FRMD6: variants seen among roughly 807,000 people sequenced by gnomAD.
FRMD6 encodes FERM domain containing 6, also known as FERM domain-containing protein 6.
In FRMD6, 37 loss-of-function variants were observed where a neutral mutation model predicts 73.2. The observed-to-expected ratio is 0.51, with a 90% confidence interval of 0.39 to 0.66. FRMD6 has a LOEUF of 0.66. Ranked by LOEUF, FRMD6 falls within the 30% of genes least tolerant of loss-of-function variation. FRMD6 has a pLI of 0.00. For synonymous variants in FRMD6, 273 were observed against 282.2 expected, an observed-to-expected ratio of 0.97 and a Z score of 0.33; for missense variants, 714 against 780.5, an observed-to-expected ratio of 0.91 and a Z score of 1.02.
At chr14:51,620,752 A>G (rs1594613717) in intron 2 of FRMD6, among the ~76,000 whole-genome samples, 1 of 152,166 alleles carries the variant, frequency 6.6e-6, no homozygotes, top group African/African-American at 2.4e-5. Flanking sequence ...GCACAGACCC[A>G]AACCACTGAC....
At chr14:51,621,539 C>T (rs549882074) in intron 2 of FRMD6, among the ~76,000 whole-genome samples, 8 of 152,270 alleles carry the variant, frequency 5.3e-5, no homozygotes, top group South Asian at 2.1e-4. Context: ...GTAGGTTGTT[C>T]GAGAAGATGG....
chr14:51,460,927 A>G, the FRMD6 span, among the ~76,000 whole-genome samples: 6 of 152,198 alleles, frequency 3.9e-5, no homozygotes, highest in African/African-American at 1.4e-4. Context: ...TTATTTCTGT[A>G]AACATTAGAA....
the FRMD6 span, among the ~76,000 whole-genome samples, chr14:51,444,851 A>G: frequency 6.6e-6 from 1 of 152,104 alleles, no homozygotes; most frequent in South Asian, 2.1e-4. Context: ...GAGAACCCAC[A>G]TCCCAGTCCA....
At chr14:51,435,577 T>A in the FRMD6 span, among the ~76,000 whole-genome samples, 2 of 152,152 alleles carry the variant, frequency 1.3e-5, no homozygotes, top group Non-Finnish European at 2.9e-5. Context: ...CTACAGATGA[T>A]CATGGTTACT....
the FRMD6 span, among the ~76,000 whole-genome samples, chr14:51,407,272 T>C: frequency 6.6e-6 from 1 of 152,120 alleles, no homozygotes. Flanking sequence ...GATTGGCATG[T>C]AATATTCTTT....
the FRMD6 span, among the ~76,000 whole-genome samples, chr14:51,404,793 AG>A: frequency 2.0e-5 from 3 of 152,154 alleles, no homozygotes; most frequent in Non-Finnish European, 4.4e-5. Flanking sequence ...TTTTTATTTT[AG>A]GTTTGGCAGT....
chr14:51,490,859 C>T (rs17660159), intron 1 of FRMD6, among the ~76,000 whole-genome samples: 101,140 of 152,054 alleles, frequency 0.67, 35,157 homozygotes, highest in African/African-American at 0.87. Flanking sequence ...CCTCTCAGTA[C>T]TGGGCTCAAG....
chr14:51,399,868 G>A, the FRMD6 span, among the ~76,000 whole-genome samples: 7 of 151,918 alleles, frequency 4.6e-5, no homozygotes, highest in Non-Finnish European at 8.8e-5. Flanking sequence ...GCAAATACAG[G>A]CGAATAAGAA....
chr14:51,506,212 G>C (rs1883953895), intron 1 of FRMD6, among the ~76,000 whole-genome samples: 1 of 152,032 alleles, frequency 6.6e-6, no homozygotes, highest in Admixed American at 6.6e-5. Context: ...TCTCTGCAAA[G>C]CTCTCACCAT....
intron 1 of FRMD6, among the ~76,000 whole-genome samples, chr14:51,665,984 A>G (rs766991781): frequency 1.3e-5 from 2 of 152,208 alleles, no homozygotes; most frequent in Non-Finnish European, 1.5e-5. Context: ...GCTGAGTCTC[A>G]GGTATGTCTT....
intron 1 of FRMD6, among the ~76,000 whole-genome samples, chr14:51,570,173 A>G (rs974201727): frequency 2.0e-5 from 3 of 152,172 alleles, no homozygotes; most frequent in Admixed American, 1.3e-4. Flanking sequence ...TGTTAGTCCA[A>G]TTGCATTTTC....
intron 11 of FRMD6, among the ~76,000 whole-genome samples, chr14:51,720,688 T>C (rs1319823628): frequency 6.6e-6 from 1 of 152,160 alleles, no homozygotes; most frequent in Non-Finnish European, 1.5e-5. Context: ...TATTTCTGCT[T>C]CCCAGATTAA....
intron 1 of FRMD6, among the ~76,000 whole-genome samples, chr14:51,668,506 A>G (rs1469521916): frequency 1.3e-5 from 2 of 151,812 alleles, no homozygotes; most frequent in African/African-American, 4.8e-5. Context: ...GAGTTTTGTC[A>G]TGATGGCCGG....
chr14:51,706,755 A>G (rs1397638436), intron 6 of FRMD6, among the ~76,000 whole-genome samples: 3 of 152,050 alleles, frequency 2.0e-5, no homozygotes, highest in Non-Finnish European at 4.4e-5. Flanking sequence ...TTATTTTAAA[A>G]TGATTTATTT....
intron 2 of FRMD6, among the ~76,000 whole-genome samples, chr14:51,646,739 T>C (rs1043424619): frequency 1.3e-5 from 2 of 151,338 alleles, no homozygotes; most frequent in African/African-American, 2.4e-5. Context: ...AGCTCTTCTA[T>C]CTTCAGTCTT....
chr14:51,616,014 TA>T (rs1890693620), intron 2 of FRMD6, among the ~76,000 whole-genome samples: 1 of 152,144 alleles, frequency 6.6e-6, no homozygotes, highest in Non-Finnish European at 1.5e-5. Context: ...AGGAAGAGAT[TA>T]GATCTTGGAA....
At chr14:51,712,123 C>T (rs1896976495) in intron 8 of FRMD6, among the ~76,000 whole-genome samples, 1 of 152,186 alleles carries the variant, frequency 6.6e-6, no homozygotes, top group Non-Finnish European at 1.5e-5. Context: ...CAGCAAGACA[C>T]AGGAAAGTGA....
chr14:51,538,756 G>A (rs8004426), intron 1 of FRMD6, among the ~76,000 whole-genome samples: 15,974 of 152,096 alleles, frequency 0.11, 1,108 homozygotes, highest in African/African-American at 0.19. Context: ...ATTGATCTGC[G>A]TGTCTATCTT....
the FRMD6 span, among the ~76,000 whole-genome samples, chr14:51,407,726 T>C: frequency 1.3e-5 from 2 of 152,138 alleles, no homozygotes; most frequent in Non-Finnish European, 2.9e-5. Context: ...CTTTGACCTA[T>C]AAATAATTTA....
Sources: allele counts gnomAD v4.1 joint callset (sites outside exome capture counted in the v4.1 genomes callset), GRCh38; gene constraint gnomAD v4.1.1; transcripts MANE v1.5; gene names NCBI Gene and HGNC (gene_info 2026-07-23, HGNC 2026-07-21).